The following ATRNL1 variants were observed in gnomAD, a reference collection of about 807,000 sequenced individuals.
ATRNL1 encodes the protein attractin-like protein 1.
A neutral mutation model predicts 182.7 loss-of-function variants in ATRNL1; 95 were observed. That is an observed-to-expected ratio of 0.52 (90% CI 0.44 to 0.62). The LOEUF (loss-of-function observed/expected upper bound fraction) is 0.62. Ranked by LOEUF, ATRNL1 falls within the 20% of genes least tolerant of loss-of-function variation. The pLI, the probability that ATRNL1 is intolerant of heterozygous loss-of-function variation, is 0.00. For synonymous variants in ATRNL1, 576 were observed against 568.3 expected, an observed-to-expected ratio of 1.01 and a Z score of -0.19; for missense variants, 1,471 against 1,679.5, an observed-to-expected ratio of 0.88 and a Z score of 2.17.
intron 20 of ATRNL1, among the ~76,000 whole-genome samples, chr10:115,424,129 A>G (rs1290883203): frequency 6.6e-6 from 1 of 152,336 alleles, no homozygotes; most frequent in African/African-American, 2.4e-5. Context: ...ATCTGAATAG[A>G]CATTTCTCAA....
chr10:115,464,806 T>TA (rs1247791902), intron 22 of ATRNL1, among the ~76,000 whole-genome samples: 2 of 151,156 alleles, frequency 1.3e-5, no homozygotes, highest in African/African-American at 2.4e-5. Context: ...TTTACTTTCA[T>TA]AAAAAAGTGA....
intron 26 of ATRNL1, among the ~76,000 whole-genome samples, chr10:115,653,923 C>A (rs565716929): frequency 6.6e-6 from 1 of 152,232 alleles, no homozygotes; most frequent in Admixed American, 6.5e-5. Flanking sequence ...TGATCACATC[C>A]TTTTTTATGT....
chr10:115,497,830 G>T (rs1050094089), intron 24 of ATRNL1, among the ~76,000 whole-genome samples: 12 of 151,968 alleles, frequency 7.9e-5, no homozygotes, highest in Non-Finnish European at 1.6e-4. Flanking sequence ...GCTAATTTTT[G>T]TATTTTTAGT....
intron 26 of ATRNL1, among the ~76,000 whole-genome samples, chr10:115,602,220 G>C (rs924661859): frequency 6.6e-6 from 1 of 152,008 alleles, no homozygotes; most frequent in African/African-American, 2.4e-5. Context: ...TGGGCATGGT[G>C]GTGGGCACCT....
intron 5 of ATRNL1, among the ~76,000 whole-genome samples, chr10:115,134,701 C>G (rs1845421487): frequency 6.6e-6 from 1 of 152,152 alleles, no homozygotes; most frequent in African/African-American, 2.4e-5. Context: ...CAGCATCATC[C>G]TGATACCAAA....
chr10:115,257,647 A>G (rs1463879244), intron 10 of ATRNL1, among the ~76,000 whole-genome samples: 2 of 152,186 alleles, frequency 1.3e-5, no homozygotes, highest in Non-Finnish European at 2.9e-5. Flanking sequence ...TGATCCTGTC[A>G]TTATGATGTT....
At chr10:115,527,821 C>T (rs950726163) in intron 25 of ATRNL1, among the ~76,000 whole-genome samples, 4 of 123,562 alleles carry the variant, frequency 3.2e-5, no homozygotes, top group Non-Finnish European at 6.8e-5. Context: ...TTCCTTCCTT[C>T]CTTCCTCCCT....
chr10:115,605,679 A>C (rs1412120181), intron 26 of ATRNL1, among the ~76,000 whole-genome samples: 3 of 152,072 alleles, frequency 2.0e-5, no homozygotes, highest in Non-Finnish European at 4.4e-5. Context: ...ACAATGAATA[A>C]TTAAATAGAC....
intron 26 of ATRNL1, among the ~76,000 whole-genome samples, chr10:115,620,205 A>T (rs1555022229): frequency 6.6e-6 from 1 of 152,200 alleles, no homozygotes; most frequent in Non-Finnish European, 1.5e-5. Context: ...CATGCCTGTC[A>T]CATAGGTAAG....
chr10:115,227,452 T>G (rs1215236566), intron 9 of ATRNL1, among the ~76,000 whole-genome samples: 8 of 152,128 alleles, frequency 5.3e-5, no homozygotes, highest in African/African-American at 1.7e-4. Context: ...AGTGAATGCT[T>G]AGACATTGTT....
chr10:115,330,672 CTTTTTTTTT>C (rs200104323), intron 18 of ATRNL1, among the ~76,000 whole-genome samples: 3 of 101,410 alleles, frequency 3.0e-5, no homozygotes, highest in African/African-American at 7.3e-5. Flanking sequence ...GTGTTATTTG[CTTTTTTTTT>C]TTTTTTTTTT....
intron 26 of ATRNL1, among the ~76,000 whole-genome samples, chr10:115,580,422 C>A (rs1276164561): frequency 6.6e-6 from 1 of 151,894 alleles, no homozygotes; most frequent in Non-Finnish European, 1.5e-5. Flanking sequence ...TTTTCTGCCC[C>A]CTTCTGGCCT....
chr10:115,381,300 T>C (rs899137198), intron 19 of ATRNL1, among the ~76,000 whole-genome samples: 3 of 151,992 alleles, frequency 2.0e-5, no homozygotes, highest in Non-Finnish European at 4.4e-5. Context: ...AGAGTCTCAC[T>C]CTGTCGCCCA....
In ATRNL1 at chr10:115,127,618, G is replaced by A. The variant is rs781959120; in HGVS notation, c.517G>A (p.Gly173Ser). The A allele has an allele frequency of 3.1e-6, 5 of 1,608,996 alleles. No homozygotes were observed. The highest frequency in any genetic ancestry group is 2.7e-5 in the African/African-American group (2 of 74,668). The change falls in exon 4 of 29, where the codon GGC becomes AGC. Residue 173 changes from glycine to serine, a missense_variant. Coordinates refer to ENST00000355044, the MANE Select transcript of ATRNL1 (RefSeq NM_207303.4). ...LSGLIVPEIR[G>S]NETVPEVVTT... is the part of the protein sequence containing the mutation. Reference sequence around the variant, plus strand: ...TGGTTTGATAGTCCCTGAAATAAGGGGCAATGAAACTGTGCCTGAAGTTGT... The same window carrying A: ...TGGTTTGATAGTCCCTGAAATAAGGAGCAATGAAACTGTGCCTGAAGTTGT...
At chr10:115,540,588 C>A (rs926571079) in intron 25 of ATRNL1, among the ~76,000 whole-genome samples, 1 of 151,830 alleles carries the variant, frequency 6.6e-6, no homozygotes, top group Non-Finnish European at 1.5e-5. Context: ...AGTGAAACCC[C>A]ATCTCTACTA....
chr10:115,931,620 T>G (rs1014993491), intron 28 of ATRNL1, among the ~76,000 whole-genome samples: 1 of 152,218 alleles, frequency 6.6e-6, no homozygotes, highest in South Asian at 2.1e-4. Flanking sequence ...GCAAGTTTTT[T>G]TCATCTTCAT....
intron 15 of ATRNL1, among the ~76,000 whole-genome samples, chr10:115,294,181 T>C (rs1471897775): frequency 6.6e-6 from 1 of 152,192 alleles, no homozygotes; most frequent in Non-Finnish European, 1.5e-5. Flanking sequence ...GTTATTTGCT[T>C]TTAAGTCCAG....
chr10:115,194,397 T>C (rs1197097346), intron 8 of ATRNL1, among the ~76,000 whole-genome samples: 3 of 152,014 alleles, frequency 2.0e-5, no homozygotes, highest in African/African-American at 4.8e-5. Flanking sequence ...AGATTTACAA[T>C]TGTTCTATCA....
intron 25 of ATRNL1, among the ~76,000 whole-genome samples, chr10:115,525,256 C>G (rs1363880521): frequency 6.6e-6 from 1 of 152,134 alleles, no homozygotes; most frequent in Non-Finnish European, 1.5e-5. Flanking sequence ...GAATACCATG[C>G]CTTATTAATA....
Sources: gnomAD v4.1 joint callset for allele counts (sites outside exome capture counted in the v4.1 genomes callset) on GRCh38, gnomAD v4.1.1 for gene constraint, MANE v1.5 for transcripts, NCBI Gene and HGNC (gene_info 2026-07-23, HGNC 2026-07-21) for gene names.